The following ZMIZ1 variants were observed in gnomAD, a reference collection of about 807,000 sequenced individuals.
ZMIZ1 encodes the protein zinc finger MIZ-type containing 1, also known as zinc finger MIZ domain-containing protein 1.
ZMIZ1 carries 17 observed loss-of-function variants against 113.9 expected under a neutral mutation model. That is an observed-to-expected ratio of 0.15 (90% CI 0.10 to 0.22). The LOEUF is 0.22. Ranked by LOEUF, ZMIZ1 falls within the 10% of genes least tolerant of loss-of-function variation. The pLI is 1.00. For missense variants in ZMIZ1, 1,059 were observed against 1,477.8 expected (o/e 0.72, Z 4.65); for synonymous variants, 607 against 603.1 (o/e 1.01, Z -0.09).
chr10:79,147,987 G>A (rs1845562187), intron 3 of ZMIZ1, among the ~76,000 whole-genome samples: 1 of 152,206 alleles, frequency 6.6e-6, no homozygotes, highest in Non-Finnish European at 1.5e-5. Flanking sequence ...CTTCATCGAG[G>A]TTTGTCAGCC....
At chr10:79,170,866 CGTT>C (rs938090075) in intron 4 of ZMIZ1, among the ~76,000 whole-genome samples, 5 of 152,142 alleles carry the variant, frequency 3.3e-5, no homozygotes, top group African/African-American at 1.2e-4. Context: ...CCATGCCTCT[CGTT>C]GTGTGGTCCA....
At chr10:79,088,286 T>C (rs1382318735) in intron 1 of ZMIZ1, among the ~76,000 whole-genome samples, 3 of 152,230 alleles carry the variant, frequency 2.0e-5, no homozygotes, top group African/African-American at 7.2e-5. Flanking sequence ...GAGAATTGGC[T>C]CGGCAACAGC....
At chr10:79,129,233 CAG>C (rs1235939565) in intron 2 of ZMIZ1, among the ~76,000 whole-genome samples, 1 of 152,220 alleles carries the variant, frequency 6.6e-6, no homozygotes, top group Admixed American at 6.5e-5. Context: ...AACTGAGACA[CAG>C]AGAGTAGTTG....
intron 3 of ZMIZ1, among the ~76,000 whole-genome samples, chr10:79,157,061 CTT>C (rs1845928277): frequency 7.0e-6 from 1 of 142,194 alleles, no homozygotes; most frequent in Non-Finnish European, 1.6e-5. Flanking sequence ...GGAGGTGGCT[CTT>C]TGAGCATTGA....
At chr10:79,212,882 G>A (rs1055733272) in intron 6 of ZMIZ1, among the ~76,000 whole-genome samples, 4 of 152,170 alleles carry the variant, frequency 2.6e-5, no homozygotes, top group Admixed American at 6.5e-5. Context: ...GATTACAGGT[G>A]TGAGCCACCA....
chr10:79,209,211 C>T (rs1848448878), intron 6 of ZMIZ1, among the ~76,000 whole-genome samples: 1 of 145,048 alleles, frequency 6.9e-6, no homozygotes, highest in Admixed American at 6.7e-5. Flanking sequence ...GGGGCACAAG[C>T]AGCAGAGGGG....
Position 79,307,508 on chromosome 10 carries a change from C to G in ZMIZ1, c.2772C>G (p.Pro924=), listed in dbSNP as rs201783925. The G allele has an allele frequency of 8.8e-5, 142 of 1,612,330 alleles. No individual in the cohort carries two copies. The highest frequency in any genetic ancestry group is 1.6e-4 in the East Asian group (7 of 44,792). The change falls in exon 23 of 25, where the codon CCC becomes CCG. Residue 924 remains proline, a synonymous_variant. Transcript: ENST00000334512. ...ACGGGCCCCCCCAGCTCTCCCACCC[C>G]CCGGACATGCCCAACAACATGGCCG... The part of the protein sequence containing the change: ...FMHGPPQLSH[P]PDMPNNMAAL...
At chr10:79,308,842 A>AT (rs1335886310) in intron 23 of ZMIZ1, among the ~76,000 whole-genome samples, 2 of 151,984 alleles carry the variant, frequency 1.3e-5, no homozygotes, top group Non-Finnish European at 2.9e-5. Context: ...ACACTGGAAT[A>AT]TGGAGTGCTG....
chr10:79,086,389 C>A (rs916996414), intron 1 of ZMIZ1, among the ~76,000 whole-genome samples: 2 of 152,238 alleles, frequency 1.3e-5, no homozygotes, highest in Non-Finnish European at 2.9e-5. Context: ...CTGATGAGTT[C>A]TTGAATGATC....
chr10:79,145,150 G>A (rs1202025129), intron 3 of ZMIZ1, among the ~76,000 whole-genome samples: 1 of 150,168 alleles, frequency 6.7e-6, no homozygotes, highest in Non-Finnish European at 1.5e-5. Context: ...TCTTCTTTCT[G>A]TATCTTCCTT....
intron 4 of ZMIZ1, among the ~76,000 whole-genome samples, chr10:79,182,128 A>G (rs703983): frequency 0.43 from 65,300 of 152,142 alleles, 14,180 homozygotes; most frequent in African/African-American, 0.48. Context: ...GTGTATGTGC[A>G]CATGCGTGTG....
At chr10:79,298,644 G>A in intron 15 of ZMIZ1, 64 bp downstream of exon 15, 4 of 1,452,422 alleles carry the variant, frequency 2.8e-6, no homozygotes, top group Non-Finnish European at 3.7e-6. Context: ...CGGGAGCAGG[G>A]GCTTCGCAGT....
chr10:79,245,004 CA>C (rs1257694951), intron 7 of ZMIZ1, among the ~76,000 whole-genome samples: 2 of 152,214 alleles, frequency 1.3e-5, no homozygotes, highest in Non-Finnish European at 2.9e-5. Context: ...ATAAGCCAGG[CA>C]GTGACTACCC....
chr10:79,231,435 G>T lies in ZMIZ1; in HGVS notation c.280+15161G>T, dbSNP rs550831414. On this transcript the variant is annotated intron_variant, in intron 7 of 24. Coordinates refer to ENST00000334512, the MANE Select transcript of ZMIZ1 (RefSeq NM_020338.4). Reference sequence around the variant, plus strand: ...ATGTTTGTATTTTTAGTAGAGATGGGGTTTCACTGTGTTGACCAAGCTGGT... The same window carrying T: ...ATGTTTGTATTTTTAGTAGAGATGGTGTTTCACTGTGTTGACCAAGCTGGT... Among the ~76,000 whole-genome samples, 28 of 152,216 alleles carry T rather than the reference G, an allele frequency of 1.8e-4. No individual in the cohort carries two copies. The South Asian group carries it at 5.8e-3, about 32-fold the overall frequency.
At chr10:79,254,614 G>A (rs1459468570) in intron 7 of ZMIZ1, among the ~76,000 whole-genome samples, 1 of 152,262 alleles carries the variant, frequency 6.6e-6, no homozygotes, top group African/African-American at 2.4e-5. Flanking sequence ...CCACCCCTCA[G>A]GCAGGTCTGG....
intron 8 of ZMIZ1, among the ~76,000 whole-genome samples, chr10:79,280,415 T>A (rs1171745656): frequency 6.6e-6 from 1 of 151,906 alleles, no homozygotes; most frequent in African/African-American, 2.4e-5. Flanking sequence ...GCTGGAAGCA[T>A]AGCCATGCAC....
intron 7 of ZMIZ1, among the ~76,000 whole-genome samples, chr10:79,248,800 C>A (rs2132873262): frequency 6.6e-6 from 1 of 152,262 alleles, no homozygotes; most frequent in African/African-American, 2.4e-5. Flanking sequence ...GGGATTCTAG[C>A]CAGGCCCAGG....
intron 1 of ZMIZ1, among the ~76,000 whole-genome samples, chr10:79,116,586 G>T (rs2132315226): frequency 1.3e-5 from 2 of 152,274 alleles, no homozygotes; most frequent in African/African-American, 4.8e-5. Flanking sequence ...AGCCTGCAGG[G>T]CTGGGGATGG....
chr10:79,074,358 A>G (rs1476782390), intron 1 of ZMIZ1, among the ~76,000 whole-genome samples: 5 of 152,176 alleles, frequency 3.3e-5, no homozygotes, highest in South Asian at 4.1e-4. Context: ...AGGAGGAGCC[A>G]TTCTCAGGAA....
Sources: allele counts gnomAD v4.1 joint callset (sites outside exome capture counted in the v4.1 genomes callset), GRCh38; gene constraint gnomAD v4.1.1; transcripts MANE v1.5; gene names NCBI Gene and HGNC (gene_info 2026-07-23, HGNC 2026-07-21).